The following VWA5B1 variants were observed in gnomAD, a reference collection of about 807,000 sequenced individuals.
The protein encoded by VWA5B1 is von Willebrand factor A domain-containing protein 5B1.
In VWA5B1, 115 loss-of-function variants were observed where a neutral mutation model predicts 118.2. The ratio of observed to expected loss-of-function variants is 0.97; its 90% CI spans 0.84 to 1.14. The LOEUF (loss-of-function observed/expected upper bound fraction) is 1.14, where lower values mean the gene tolerates loss of function less well. Among genes scored for constraint, VWA5B1 ranks in the 50% most tolerant of loss-of-function variants. VWA5B1 has a pLI of 0.00. For missense variants in VWA5B1, 1,596 were observed against 1,603.8 expected (o/e 1.00, Z 0.08); for synonymous variants, 682 against 658.4 (o/e 1.04, Z -0.55).
chr1:20,352,321 A>G (rs1400314800), intron 21 of VWA5B1, 149 bp downstream of exon 21: 1 of 633,406 alleles, frequency 1.6e-6, no homozygotes, highest in African/African-American at 1.9e-5. Context: ...GAGGTTTCCT[A>G]GAGCTTCCCA....
rs1314130511 is a variant in VWA5B1 at position 20,312,937 on chromosome 1, C to G, written c.241C>G (p.Leu81Val). 6.4e-7 allele frequency: 1 copy of G among 1,551,562 alleles called. No homozygotes were observed. Among genetic ancestry groups the G allele is most frequent in the African/African-American group, 1.4e-5 (1 of 73,070 alleles). The change falls in exon 3 of 22, where the codon CTG (leucine) becomes GTG (valine). Residue 81 changes from leucine (L) to valine (V), a missense_variant. Physicochemically the swap from Leu to Val is conservative, Grantham distance 32. Transcript: ENST00000289815. ...AGTACAGATCAAGGACAAAGCCAAG[C>G]TGGAGAGCGGCCACTTCGATGCCTC... Reference protein sequence around the residue: ...VTVQIKDKAKLESGHFDASHV... With the variant: ...VTVQIKDKAKVESGHFDASHV...
In VWA5B1 at chr1:20,327,837, C is replaced by T. The variant is rs1233422277; in HGVS notation, c.1144-53C>T. 4.8e-6 allele frequency: 7 copies of T among 1,448,282 alleles called. No individual in the cohort carries two copies. The East Asian group carries it at 7.4e-5, about 15-fold the overall frequency. 89.7% of individuals were successfully genotyped at this position (1,448,282 alleles called of 1,614,324 possible). On this transcript the variant is annotated intron_variant, in intron 8 of 21. Coordinates refer to ENST00000289815, the MANE Select transcript of VWA5B1 (RefSeq NM_001039500.3). ...AAAGGGAATATTGGAGTGCAGTGGC[C>T]GAGTGACAAGAACTCCTTCCTGAAT... is the stretch of plus-strand genomic sequence containing the variant.
intron 20 of VWA5B1, 115 bp from the exon 21 acceptor site, chr1:20,351,940 A>G: frequency 1.4e-6 from 1 of 705,620 alleles, no homozygotes; most frequent in Non-Finnish European, 2.4e-6. Context: ...TAGCTATCAG[A>G]TAAGGAGGCT....
At position 20,345,478 on chromosome 1, in the gene VWA5B1, G is replaced by A; in HGVS notation, c.2649G>A (p.Val883=). The part of the protein sequence containing the change: ...IEQGSNRRYQ[V]SALHTSKACN... ...CAGGGTCCAACCGCCGCTACCAAGT[G>A]AGCGCCTTGCACACCAGCAAGGCCT... Residue 883 remains valine (V), a synonymous_variant, in exon 17 of 22, where the codon GTG becomes GTA. Coordinates refer to ENST00000289815, the MANE Select transcript of VWA5B1 (RefSeq NM_001039500.3). 1 of 1,551,164 alleles carries A rather than the reference G, an allele frequency of 6.4e-7. No individual in the cohort carries two copies. The highest frequency in any genetic ancestry group is 8.7e-7 in the Non-Finnish European group (1 of 1,146,994).
At position 20,357,077 on chromosome 1, in the gene VWA5B1, C is replaced by T. The variant is rs2090243110; in HGVS notation, c.*2814C>T. ...ACCAGCCCTTGCTTTCTAGGTCATA[C>T]AAAGGAATATTTATGCCCTGCACTG... On this transcript the variant is annotated 3_prime_UTR_variant, in exon 22 of 22. Coordinates refer to ENST00000289815, the MANE Select transcript of VWA5B1 (RefSeq NM_001039500.3). Among the ~76,000 whole-genome samples, 1 of 152,128 alleles carries T rather than the reference C, an allele frequency of 6.6e-6. No homozygotes were observed. The highest frequency in any genetic ancestry group is 1.5e-5 in the Non-Finnish European group (1 of 68,022).
At chr1:20,297,609 AG>A (rs1200175542) in intron 1 of VWA5B1, among the ~76,000 whole-genome samples, 1 of 152,256 alleles carries the variant, frequency 6.6e-6, no homozygotes, top group African/African-American at 2.4e-5. Context: ...TATAGGAAAT[AG>A]GGGAGAAAGG....
intron 14 of VWA5B1, among the ~76,000 whole-genome samples, chr1:20,339,472 G>A (rs1168704104): frequency 6.6e-6 from 1 of 152,148 alleles, no homozygotes; most frequent in Non-Finnish European, 1.5e-5. Flanking sequence ...AGCCCAGGAG[G>A]CAGAGGTTGC....
chr1:20,304,417 A>G (rs1216159875), intron 1 of VWA5B1, among the ~76,000 whole-genome samples: 2 of 152,290 alleles, frequency 1.3e-5, no homozygotes, highest in Middle Eastern at 3.4e-3. Context: ...GAAGGCAAGC[A>G]TGTAGAACGT....
chr1:20,297,730 C>T (rs1447841913), intron 1 of VWA5B1, among the ~76,000 whole-genome samples: 2 of 152,180 alleles, frequency 1.3e-5, no homozygotes, highest in African/African-American at 2.4e-5. Flanking sequence ...GCAGGATTGG[C>T]CTCTGCCACT....
chr1:20,306,403 G>T (rs1160932691), intron 1 of VWA5B1, among the ~76,000 whole-genome samples: 1 of 152,194 alleles, frequency 6.6e-6, no homozygotes, highest in African/African-American at 2.4e-5. Flanking sequence ...CTGGATCCTT[G>T]TCTTCAAAGG....
At chr1:20,334,791 A>T (rs1418055620) in intron 12 of VWA5B1, among the ~76,000 whole-genome samples, 1 of 151,808 alleles carries the variant, frequency 6.6e-6, no homozygotes, top group Non-Finnish European at 1.5e-5. Context: ...AGCCTGGGGG[A>T]TAGGGCGAGA....
intron 8 of VWA5B1, among the ~76,000 whole-genome samples, chr1:20,325,910 G>A (rs2089365584): frequency 6.6e-6 from 1 of 152,198 alleles, no homozygotes; most frequent in African/African-American, 2.4e-5. Context: ...TAGGCTCAGG[G>A]AGGAGGGAGA....
At chr1:20,320,129 A>G (rs1252473025) in intron 7 of VWA5B1, among the ~76,000 whole-genome samples, 1 of 152,184 alleles carries the variant, frequency 6.6e-6, no homozygotes, top group African/African-American at 2.4e-5. Flanking sequence ...CCAGGTCCTG[A>G]ATGCCAAGAT....
chr1:20,345,540 T>C lies in VWA5B1; in HGVS notation c.2711T>C (p.Val904Ala). 1 of 1,551,190 alleles carries C rather than the reference T, an allele frequency of 6.4e-7. No individual in the cohort carries two copies. Among genetic ancestry groups the C allele is most frequent in the Non-Finnish European group, 8.7e-7 (1 of 1,146,966 alleles). Residue 904 changes from valine to alanine, a missense_variant, in exon 17 of 22, where the codon GTG becomes GCG. By Grantham distance (64) the Val-to-Ala change is moderately conservative. Coordinates refer to ENST00000289815, the MANE Select transcript of VWA5B1 (RefSeq NM_001039500.3). Reference protein sequence around the residue: ...IISKYTAFVPVDVSKSRYLPT... With the variant: ...IISKYTAFVPADVSKSRYLPT... ...AGCAAATACACAGCCTTCGTGCCTG[T>C]GGACGTGAGCAAGAGCCGGTACCTG...
rs545747948 is a variant in VWA5B1, at chr1:20,336,424, C to G, written c.1880C>G (p.Pro627Arg). Residue 627 changes from proline to arginine, a missense_variant, in exon 13 of 22, where the codon CCC becomes CGC. By Grantham distance (103) the Pro-to-Arg change is moderately radical. Transcript: ENST00000289815. ...GGDCAKNSGA[P>R]FILGQAKNAR... ...GACTGTGCCAAGAACTCGGGGGCACCCTTCATCCTAGGGCAGGCCAAAAAT... is the reference window on the plus strand; with the variant it reads ...GACTGTGCCAAGAACTCGGGGGCACGCTTCATCCTAGGGCAGGCCAAAAAT... 56 of 1,518,370 alleles carry G rather than the reference C, an allele frequency of 3.7e-5. No homozygotes were observed. In the East Asian group the frequency reaches 6.4e-4, roughly 17 times the overall value. 94.1% of individuals were successfully genotyped at this position (1,518,370 alleles called of 1,614,324 possible). A position where few individuals can be genotyped will look rare whatever the true frequency, so the allele number is the denominator to read the frequency against.
At chr1:20,316,534 T>C (rs1293430814) in intron 4 of VWA5B1, among the ~76,000 whole-genome samples, 1 of 152,132 alleles carries the variant, frequency 6.6e-6, no homozygotes, top group African/African-American at 2.4e-5. Context: ...TGCTGCCAAG[T>C]ATTTTACAAG....
In VWA5B1 at chr1:20,357,072, T is replaced by C. The variant is rs2090243024; in HGVS notation, c.*2809T>C. ...GCTAAACCAGCCCTTGCTTTCTAGG[T>C]CATACAAAGGAATATTTATGCCCTG... On this transcript the variant is annotated 3_prime_UTR_variant, in exon 22 of 22. Transcript: ENST00000289815. 6.6e-6 allele frequency among the ~76,000 whole-genome samples: 1 copy of C among 152,156 alleles called. No homozygotes were observed.
intron 1 of VWA5B1, among the ~76,000 whole-genome samples, chr1:20,292,512 C>T (rs2088331421): frequency 6.6e-6 from 1 of 152,110 alleles, no homozygotes; most frequent in Non-Finnish European, 1.5e-5. Flanking sequence ...GGACGTGTAT[C>T]GGGGAACTAC....
At position 20,358,090 on chromosome 1, in the gene VWA5B1, G is replaced by T. The variant is rs924499784; in HGVS notation, c.*3827G>T. 1.3e-5 allele frequency among the ~76,000 whole-genome samples: 2 copies of T among 152,126 alleles called. No individual in the cohort carries two copies. The highest frequency in any genetic ancestry group is 2.9e-5 in the Non-Finnish European group (2 of 68,030). ...ACTGGACTTGTCCATAAGCGGCCTC[G>T]GTTTCCAGCCGGCACCCATGTTTCC... On this transcript the variant is annotated 3_prime_UTR_variant, in exon 22 of 22. Transcript: ENST00000289815.
Sources: gnomAD v4.1 joint callset for allele counts (sites outside exome capture counted in the v4.1 genomes callset) on GRCh38, gnomAD v4.1.1 for gene constraint, MANE v1.5 for transcripts, NCBI Gene and HGNC (gene_info 2026-07-23, HGNC 2026-07-21) for gene names.